Variants in AKAP11 observed in about 807,000 individuals in gnomAD.
AKAP11 encodes A-kinase anchor protein 11.
A neutral mutation model predicts 146.1 loss-of-function variants in AKAP11; 36 were observed. That is an observed-to-expected ratio of 0.25 (90% CI 0.19 to 0.33). The LOEUF is 0.33. Ranked by LOEUF, AKAP11 falls within the 10% of genes least tolerant of loss-of-function variation. AKAP11 has a pLI of 1.00. For missense variants in AKAP11, 2,201 were observed against 2,197.0 expected, an observed-to-expected ratio of 1.00 and a Z score of -0.04; for synonymous variants, 780 against 786.5, an observed-to-expected ratio of 0.99 and a Z score of 0.14.
chr13:42,304,965 G>A (rs1004822621), intron 8 of AKAP11, among the ~76,000 whole-genome samples: 1 of 152,094 alleles, frequency 6.6e-6, no homozygotes, highest in Admixed American at 6.5e-5. Context: ...TGGCCAGGCT[G>A]GTCTTGAACT....
chr13:42,281,981 T>C (rs1342211969), intron 1 of AKAP11, among the ~76,000 whole-genome samples: 2 of 110,012 alleles, frequency 1.8e-5, no homozygotes, highest in Non-Finnish European at 3.8e-5. Context: ...TTTTTCTTTC[T>C]TTTTTTTTTT....
In AKAP11 at chr13:42,310,501, A is replaced by G. The variant is rs9788373; in HGVS notation, c.5273+1892A>G. Among the ~76,000 whole-genome samples, 9 of 152,350 alleles carry G rather than the reference A, an allele frequency of 5.9e-5. No individual in the cohort carries two copies. In the East Asian group the frequency reaches 1.7e-3, roughly 29 times the overall value. The stretch of plus-strand genomic sequence containing the variant: ...ACAAGATATGTTGCATCTGTTGATG[A>G]CAATTGATATCTATACTGTTCTTTT... On this transcript the variant is annotated intron_variant, in intron 9 of 12. Coordinates refer to ENST00000025301, the MANE Select transcript of AKAP11 (RefSeq NM_016248.4).
At position 42,295,746 on chromosome 13, in the gene AKAP11, T is replaced by C; in HGVS notation, c.216+4T>C. On this transcript the variant is annotated splice_donor_region_variant and intron_variant, in intron 5 of 12. Transcript: ENST00000025301. ...GACAGATGCTGCTCATATACAGGTA[T>C]GGTGAATTTTAGCATTTTTACTGAG... The C allele has an allele frequency of 6.2e-7, 1 of 1,607,844 alleles. No individual in the cohort carries two copies. The highest frequency in any genetic ancestry group is 8.5e-7 in the Non-Finnish European group (1 of 1,178,214).
chr13:42,286,104 T>G, intron 2 of AKAP11, 69 bp downstream of exon 2: 1 of 281,196 alleles, frequency 3.6e-6, no homozygotes, highest in East Asian at 6.2e-5. Flanking sequence ...TTCTATCTCA[T>G]TAAGGTACCA....
In AKAP11 at chr13:42,299,881, G is replaced by A. The variant is rs757090321; in HGVS notation, c.1135G>A (p.Val379Ile). Residue 379 changes from valine to isoleucine, a missense_variant, in exon 8 of 13, where the codon GTC becomes ATC. This residue lies in a region of AKAP11 where 1,867 missense variants were observed against 1,833.5 expected (regional missense o/e 1.02). Coordinates refer to ENST00000025301, the MANE Select transcript of AKAP11 (RefSeq NM_016248.4). ...GACTTGCCTGTTTAACAAAGATCCC[G>A]TCATAGGGAAGTCATCGCAGAGGAA... The part of the protein sequence containing the change: ...LETCLFNKDP[V>I]IGKSSQRKGH... 32 of 1,613,736 alleles carry A rather than the reference G, an allele frequency of 2.0e-5. No individual in the cohort carries two copies. Among genetic ancestry groups the A allele is most frequent in the East Asian group, 1.1e-4 (5 of 44,896 alleles).
In AKAP11 at chr13:42,303,336, T is replaced by C. The variant is rs576622909; in HGVS notation, c.4590T>C (p.Tyr1530=). 1.7e-5 allele frequency: 28 copies of C among 1,612,654 alleles called. No homozygotes were observed. The Middle Eastern group carries it at 1.7e-3, about 95-fold the overall frequency. The change falls in exon 8 of 13, where the codon TAT becomes TAC. Residue 1530 remains tyrosine (Y), a synonymous_variant. Transcript: ENST00000025301. ...ACAGCACTGGCAGTTTAAATGGATA[T>C]GGTTGTGGAGACAATGTTGTTCAAG... ...FYHSTGSLNG[Y]GCGDNVVQAV...
intron 8 of AKAP11, 142 bp downstream of exon 8, chr13:42,304,005 GT>G: frequency 9.1e-7 from 1 of 1,094,612 alleles, no homozygotes; most frequent in Non-Finnish European, 1.3e-6. Context: ...TTTATGTATT[GT>G]TTCATATCCT....
intron 5 of AKAP11, among the ~76,000 whole-genome samples, chr13:42,296,002 G>A (rs1156880115): frequency 1.3e-5 from 2 of 152,138 alleles, no homozygotes; most frequent in Non-Finnish European, 2.9e-5. Context: ...TTAACAATTA[G>A]CCAATGCAAA....
Position 42,321,168 on chromosome 13 carries a change from A to G in AKAP11, c.*1940A>G, listed in dbSNP as rs1186323172. 3 of 152,386 alleles carry G rather than the reference A, an allele frequency of 2.0e-5. No individual in the cohort carries two copies. The highest frequency in any genetic ancestry group is 2.9e-5 in the Non-Finnish European group (2 of 68,046). 9.4% of individuals were successfully genotyped at this position (152,386 alleles called of 1,614,324 possible). A position where few individuals can be genotyped will look rare whatever the true frequency, so the allele number is the denominator to read the frequency against. Reference sequence around the variant, plus strand: ...TTAGAATGCATTTTTACAAGTATCTAACTATCAAATTGTGTTTAGTAACTT... The same window carrying G: ...TTAGAATGCATTTTTACAAGTATCTGACTATCAAATTGTGTTTAGTAACTT... On this transcript the variant is annotated 3_prime_UTR_variant, in exon 13 of 13. Coordinates refer to ENST00000025301, the MANE Select transcript of AKAP11 (RefSeq NM_016248.4).
chr13:42,301,746 T>G lies in AKAP11; in HGVS notation c.3000T>G (p.Leu1000=). ...DSQNQLTHCS[L]SAAKDCVPEC... is the part of the protein sequence containing the mutation. ...AGAATCAGTTAACTCACTGCTCACT[T>G]TCAGCTGCAAAGGATTGTGTTCCAG... is the stretch of plus-strand genomic sequence containing the variant. The change falls in exon 8 of 13, where the codon CTT becomes CTG. Residue 1000 remains leucine, a synonymous_variant. Transcript: ENST00000025301. 6.2e-7 allele frequency: 1 copy of G among 1,614,168 alleles called. No individual in the cohort carries two copies. Among genetic ancestry groups the G allele is most frequent in the Non-Finnish European group, 8.5e-7 (1 of 1,180,010 alleles).
At chr13:42,306,095 C>T (rs1240633964) in intron 8 of AKAP11, among the ~76,000 whole-genome samples, 1 of 152,190 alleles carries the variant, frequency 6.6e-6, no homozygotes, top group African/African-American at 2.4e-5. Flanking sequence ...CAAACCATAT[C>T]ATGGCCTCTT....
chr13:42,286,442 T>G, intron 3 of AKAP11, 43 bp downstream of exon 3: 1 of 1,479,298 alleles, frequency 6.8e-7, no homozygotes, highest in South Asian at 1.3e-5. Flanking sequence ...AAGTTTTAAT[T>G]AAAATGTTGA....
Position 42,299,992 on chromosome 13 carries a change from A to G in AKAP11, c.1246A>G (p.Thr416Ala), listed in dbSNP as rs750224582. Residue 416 changes from threonine (T) to alanine (A), a missense_variant, in exon 8 of 13, where the codon ACT (threonine) becomes GCT (alanine). By Grantham distance (58) the Thr-to-Ala change is moderately conservative. Transcript: ENST00000025301. ...PALPANVRKP[T>A]PRKPESPYGN... ...TCTCCCAGCTAATGTTAGAAAGCCA[A>G]CTCCTCGTAAACCAGAATCTCCATA... 1 of 1,613,786 alleles carries G rather than the reference A, an allele frequency of 6.2e-7. No homozygotes were observed. Among genetic ancestry groups the G allele is most frequent in the Non-Finnish European group, 8.5e-7 (1 of 1,179,804 alleles).
chr13:42,302,700 T>C lies in AKAP11; in HGVS notation c.3954T>C (p.Phe1318=). The C allele has an allele frequency of 1.2e-6, 2 of 1,614,148 alleles. No individual in the cohort carries two copies. Among genetic ancestry groups the C allele is most frequent in the Non-Finnish European group, 1.7e-6 (2 of 1,180,006 alleles). The change falls in exon 8 of 13, where the codon TTT becomes TTC. Residue 1318 remains phenylalanine (F), a synonymous_variant. Transcript: ENST00000025301. The part of the protein sequence containing the change: ...AVVHPREVDP[F]ILSLPPSSCM... ...TGCACCCAAGAGAAGTGGATCCGTT[T>C]ATTCTTTCATTACCACCAAGTTCTT... is the stretch of plus-strand genomic sequence containing the variant.
At position 42,319,133 on chromosome 13, in the gene AKAP11, C is replaced by G; in HGVS notation, c.5611C>G (p.Leu1871Val). 1.2e-6 allele frequency: 2 copies of G among 1,614,030 alleles called. No individual in the cohort carries two copies. The highest frequency in any genetic ancestry group is 1.7e-6 in the Non-Finnish European group (2 of 1,179,962). Residue 1871 changes from leucine to valine, a missense_variant, in exon 13 of 13, where the codon CTG becomes GTG. Physicochemically the swap from Leu to Val is conservative, Grantham distance 32. Transcript: ENST00000025301. ...QEKGWKVGDL[L>V]QAVLQYYEVM... The stretch of plus-strand genomic sequence containing the variant: ...GAAAGGATGGAAAGTGGGAGACCTC[C>G]TGCAGGCTGTGCTTCAATACTATGA...
At chr13:42,295,872 T>C in intron 5 of AKAP11, 130 bp downstream of exon 5, 1 of 739,768 alleles carries the variant, frequency 1.4e-6, no homozygotes, top group Non-Finnish European at 2.3e-6. Flanking sequence ...CTGTGTATAA[T>C]ACAGAATGTA....
At position 42,302,097 on chromosome 13, in the gene AKAP11, C is replaced by G; in HGVS notation, c.3351C>G (p.Ile1117Met). ...VPSRASSEWD[I>M]KKLTKKLKGE... ...CCCGGGCTAGTTCTGAATGGGATAT[C>G]AAGAAGTTAACTAAAAAGCTCAAGG... Residue 1117 changes from isoleucine (I) to methionine (M), a missense_variant, in exon 8 of 13, where the codon ATC becomes ATG. Physicochemically the swap from Ile to Met is conservative, Grantham distance 10. This residue lies in a region of AKAP11 where 1,867 missense variants were observed against 1,833.5 expected (regional missense o/e 1.02). Coordinates refer to ENST00000025301, the MANE Select transcript of AKAP11 (RefSeq NM_016248.4). 1 of 1,614,150 alleles carries G rather than the reference C, an allele frequency of 6.2e-7. No homozygotes were observed. Among genetic ancestry groups the G allele is most frequent in the Non-Finnish European group, 8.5e-7 (1 of 1,180,018 alleles).
Position 42,300,920 on chromosome 13 carries a change from T to C in AKAP11, c.2174T>C (p.Ile725Thr), listed in dbSNP as rs932762232. ...GCAGTTAGTGTCTCTACGGATAATATCAAGTATGTGAGTGCAGAAAGTGTA... is the reference window on the plus strand; with the variant it reads ...GCAGTTAGTGTCTCTACGGATAATACCAAGTATGTGAGTGCAGAAAGTGTA... ...KAAVSVSTDNIKYVSAESVVP... is the reference protein window; with the variant it reads ...KAAVSVSTDNTKYVSAESVVP... Residue 725 changes from isoleucine to threonine, a missense_variant, in exon 8 of 13, where the codon ATC becomes ACC. By Grantham distance (89) the Ile-to-Thr change is moderately conservative. Transcript: ENST00000025301. 1.9e-6 allele frequency: 3 copies of C among 1,614,134 alleles called. No homozygotes were observed. Among genetic ancestry groups the C allele is most frequent in the African/African-American group, 2.7e-5 (2 of 75,042 alleles).
chr13:42,314,351 G>A (rs1454337304), intron 11 of AKAP11, among the ~76,000 whole-genome samples: 3 of 150,658 alleles, frequency 2.0e-5, no homozygotes, highest in Admixed American at 6.6e-5. Context: ...AGGCTGAGGC[G>A]CAGGATTCAC....
Sources: allele counts gnomAD v4.1 joint callset (sites outside exome capture counted in the v4.1 genomes callset), GRCh38; gene constraint gnomAD v4.1.1; regional missense constraint gnomAD v4.1.1; transcripts MANE v1.5; gene names NCBI Gene and HGNC (gene_info 2026-07-23, HGNC 2026-07-21).